Variants in CHRNE observed in about 807,000 individuals in gnomAD.
CHRNE encodes the protein acetylcholine receptor subunit epsilon.
CHRNE carries 58 observed loss-of-function variants against 56.5 expected under a neutral mutation model. That is an observed-to-expected ratio of 1.03 (90% CI 0.83 to 1.28). The LOEUF (loss-of-function observed/expected upper bound fraction) is 1.28, where lower values mean the gene tolerates loss of function less well. CHRNE is among the 50% of genes most tolerant of loss of function. The probability of loss-of-function intolerance (pLI) is 0.00; values close to 1 mark genes in which losing one functional copy is unlikely to be tolerated. For synonymous variants in CHRNE, 385 were observed against 297.9 expected, an observed-to-expected ratio of 1.29 and a Z score of -3.01; for missense variants, 793 against 688.9, an observed-to-expected ratio of 1.15 and a Z score of -1.69.
upstream of CHRNE, among the ~76,000 whole-genome samples, chr17:4,904,762 T>C (rs1970070692): frequency 6.6e-6 from 1 of 152,106 alleles, no homozygotes; most frequent in Admixed American, 6.6e-5. Context: ...TGGGTCTCCT[T>C]CCCCCACCTA....
intron 8 of CHRNE, chr17:4,899,845 C>G (rs1193163141): frequency 6.4e-7 from 1 of 1,551,164 alleles, no homozygotes; most frequent in Non-Finnish European, 8.7e-7. Flanking sequence ...CTACGCCCGC[C>G]AAGGGCTGCA....
rs769630764 is a variant in CHRNE, at chr17:4,899,010, G to A, written c.1317C>T (p.Ala439=). 7 of 1,602,404 alleles carry A rather than the reference G, an allele frequency of 4.4e-6. No homozygotes were observed. Among genetic ancestry groups the A allele is most frequent in the Non-Finnish European group, 6.0e-6 (7 of 1,175,682 alleles). ...FVAESTRDQE[A]TGEEVSDWVR... Reference sequence around the variant, plus strand: ...CTGGCTCCTGTCCCACCTCGCCGGTGGCCTCCTGATCTCTCGTGCTCTCGG... The same window carrying A: ...CTGGCTCCTGTCCCACCTCGCCGGTAGCCTCCTGATCTCTCGTGCTCTCGG... Residue 439 remains alanine, a synonymous_variant, in exon 11 of 12, where the codon GCC becomes GCT. Coordinates refer to ENST00000649488, the MANE Select transcript of CHRNE (RefSeq NM_000080.4).
In CHRNE at chr17:4,902,474, G is replaced by A. The variant is rs750125430; in HGVS notation, c.210C>T (p.Leu70=). 2.5e-6 allele frequency: 4 copies of A among 1,614,200 alleles called. No homozygotes were observed. The highest frequency in any genetic ancestry group is 2.5e-6 in the Non-Finnish European group (3 of 1,180,032). ...LISLNEKEET[L]TTSVWIGIDW... ...CGATTCCAATCCAGACGCTAGTGGTGAGAGTCTCCTCTTTTTCATTCTGCA... is the reference window on the plus strand; with the variant it reads ...CGATTCCAATCCAGACGCTAGTGGTAAGAGTCTCCTCTTTTTCATTCTGCA... The change falls in exon 3 of 12, where the codon CTC becomes CTT. Residue 70 remains leucine, a synonymous_variant. Transcript: ENST00000649488. This position sits in a 1 kb window ranked among gnomAD's most constrained non-coding sequence, Gnocchi z 4.0.
rs779066933 is a variant in CHRNE, at chr17:4,898,901, G to A, written c.1327-10C>T. On this transcript the variant is annotated splice_polypyrimidine_tract_variant and intron_variant, in intron 11 of 11. Coordinates refer to ENST00000649488, the MANE Select transcript of CHRNE (RefSeq NM_000080.4). ...CCCAGTCGGACACTTCCTGGGGAAG[G>A]GTCGGCACAGTCAGTAAAGAGGCAG... 3.8e-6 allele frequency: 6 copies of A among 1,573,738 alleles called. No homozygotes were observed. The East Asian group carries it at 1.4e-4, about 36-fold the overall frequency.
In CHRNE at chr17:4,900,997, C is replaced by A; in HGVS notation, c.795G>T (p.Pro265=). Residue 265 remains proline (P), a synonymous_variant, in exon 7 of 12, where the codon CCG becomes CCT. Transcript: ENST00000649488. The part of the protein sequence containing the change: ...SGLVLLAYFL[P]AQAGGQKCTV... The stretch of plus-strand genomic sequence containing the variant: ...TTCGGGGCCACTGCTTACCCTGCGC[C>A]GGCAGGAAGTAGGCGAGCAGCACCA... 6.2e-7 allele frequency: 1 copy of A among 1,613,942 alleles called. No homozygotes were observed. The highest frequency in any genetic ancestry group is 1.7e-5 in the Admixed American group (1 of 60,026).
chr17:4,900,533 G>C, intron 8 of CHRNE: 1 of 1,550,706 alleles, frequency 6.4e-7, no homozygotes, highest in Non-Finnish European at 8.7e-7. Context: ...GGGTGAGTTA[G>C]GGGCCAGAGG....
intron 8 of CHRNE, 149 bp downstream of exon 8, chr17:4,900,643 AG>A: frequency 6.8e-7 from 1 of 1,461,218 alleles, no homozygotes; most frequent in Non-Finnish European, 9.3e-7. Context: ...ACGGCGGACC[AG>A]GGACTCCATC....
In CHRNE at chr17:4,902,162, C is replaced by G; in HGVS notation, c.344+55G>C. On this transcript the variant is annotated intron_variant, in intron 4 of 11. Transcript: ENST00000649488. This position sits in a 1 kb window ranked among gnomAD's most constrained non-coding sequence, Gnocchi z 4.0. ...GAGTACCCCCTTCCCCAACCAAGTC[C>G]AGCCCGCACCCCAGGCCGGCTTCCC... 1 of 1,613,842 alleles carries G rather than the reference C, an allele frequency of 6.2e-7. No homozygotes were observed. The highest frequency in any genetic ancestry group is 8.5e-7 in the Non-Finnish European group (1 of 1,179,764).
Position 4,898,715 on chromosome 17 carries a change from G to A in CHRNE, c.*21C>T, listed in dbSNP as rs1969814414. ...ATCAATTTCCTACTGGAGATGGGTG[G>A]GAAATTGAAGTCGGTGCGAGCTAAG... On this transcript the variant is annotated 3_prime_UTR_variant, in exon 12 of 12. Transcript: ENST00000649488. The A allele has an allele frequency of 1.2e-6, 2 of 1,605,284 alleles. No homozygotes were observed. The highest frequency in any genetic ancestry group is 1.3e-5 in the African/African-American group (1 of 74,870).
rs770980262 is a variant in CHRNE, at chr17:4,900,820, G to A, written c.890C>T (p.Thr297Ile). ...GCCCAGGAGCGGCACGCTCAGAGAA[G>A]TCTCTGGGATTTTCTGGGCAATGAG... ...LFLIAQKIPE[T>I]SLSVPLLGRF... Residue 297 changes from threonine (T) to isoleucine (I), a missense_variant, in exon 8 of 12, where the codon ACT (threonine) becomes ATT (isoleucine). By Grantham distance (89) the Thr-to-Ile change is moderately conservative (BLOSUM62 -1). Coordinates refer to ENST00000649488, the MANE Select transcript of CHRNE (RefSeq NM_000080.4). The A allele has an allele frequency of 6.2e-7, 1 of 1,614,142 alleles. No individual in the cohort carries two copies. The highest frequency in any genetic ancestry group is 8.5e-7 in the Non-Finnish European group (1 of 1,179,976).
chr17:4,898,953 A>G (rs759034839), intron 11 of CHRNE, 48 bp downstream of exon 11: 3 of 1,559,632 alleles, frequency 1.9e-6, no homozygotes, highest in Non-Finnish European at 2.6e-6. Context: ...CATGGGAGAC[A>G]GTGGTGGGCC....
intron 8 of CHRNE, chr17:4,900,384 G>T: frequency 1.3e-6 from 2 of 1,549,794 alleles, no homozygotes; most frequent in Non-Finnish European, 1.7e-6. Flanking sequence ...TGCGGTGGGC[G>T]CCAGCGCCCG....
Position 4,901,475 on chromosome 17 carries a change from C to T in CHRNE, c.601+50G>A, listed in dbSNP as rs367985398. On this transcript the variant is annotated intron_variant, in intron 6 of 11. Transcript: ENST00000649488. The stretch of plus-strand genomic sequence containing the variant: ...GGCAAGCCCACCGTGGAAGTCCCCT[C>T]TCTGGACCCCGTCTAGAAGCGGGTT... 113 of 1,565,640 alleles carry T rather than the reference C, an allele frequency of 7.2e-5. No individual in the cohort carries two copies. In the African/African-American group the frequency reaches 1.4e-3, roughly 19 times the overall value.
In CHRNE at chr17:4,900,883, G is replaced by C. The variant is rs570266272; in HGVS notation, c.827C>G (p.Ser276Cys). 2.5e-6 allele frequency: 4 copies of C among 1,614,190 alleles called. No homozygotes were observed. In the East Asian group the frequency reaches 6.7e-5, roughly 27 times the overall value. Residue 276 changes from serine to cysteine, a missense_variant, in exon 8 of 12, where the codon TCC becomes TGC. By Grantham distance (112) the Ser-to-Cys change is moderately radical (BLOSUM62 -1). Coordinates refer to ENST00000649488, the MANE Select transcript of CHRNE (RefSeq NM_000080.4). ...AQAGGQKCTV[S>C]INVLLAQTVF... ...GGTCTGGGCGAGCAGGACGTTGATG[G>C]AGACCGTGCATTTCTGGCCGCCGGC...
In CHRNE at chr17:4,901,991, G is replaced by T. The variant is rs779058823; in HGVS notation, c.441C>A (p.Val147=). ...GGAAGTAGGTGACCTCCACTGCGCA[G>T]ACGCTGCGGTAGATGGCCGGAGGCA... ...TWLPPAIYRS[V]CAVEVTYFPF... The change falls in exon 5 of 12, where the codon GTC becomes GTA. Residue 147 remains valine, a synonymous_variant. Coordinates refer to ENST00000649488, the MANE Select transcript of CHRNE (RefSeq NM_000080.4). 1.9e-6 allele frequency: 3 copies of T among 1,614,002 alleles called. No homozygotes were observed. The highest frequency in any genetic ancestry group is 2.7e-5 in the African/African-American group (2 of 74,938).
chr17:4,904,362 C>T (rs918761017), upstream of CHRNE, among the ~76,000 whole-genome samples: 1 of 152,068 alleles, frequency 6.6e-6, no homozygotes, highest in Non-Finnish European at 1.5e-5. Context: ...CACGCCCGGC[C>T]TCAGTGTTTT....
At chr17:4,899,701 C>A in intron 8 of CHRNE, 119 bp from the exon 9 acceptor site, 2 of 1,483,404 alleles carry the variant, frequency 1.3e-6, no homozygotes, top group South Asian at 2.4e-5. Flanking sequence ...TCCAGCTGCG[C>A]CCCCTACACG....
rs373612116 is a variant in CHRNE at position 4,903,072 on chromosome 17, G to A, written c.-9C>T. 140 of 1,613,872 alleles carry A rather than the reference G, an allele frequency of 8.7e-5. No homozygotes were observed. The highest frequency in any genetic ancestry group is 1.0e-4 in the Non-Finnish European group (123 of 1,180,000). ...AGCGGAGCCCTTGCCATCCTGCTGC[G>A]TGGTTCTCAGGGTTATTCTGAGCTC... On this transcript the variant is annotated 5_prime_UTR_variant, in exon 1 of 12. The change creates a new upstream start codon in the 5' untranslated region. Transcript: ENST00000649488.
Position 4,901,556 on chromosome 17 carries a change from G to A in CHRNE, c.570C>T (p.Asn190=), listed in dbSNP as rs1969985137. Residue 190 remains asparagine, a synonymous_variant, in exon 6 of 12, where the codon AAC becomes AAT. Transcript: ENST00000649488. ...AGGCCTCTGTGTCGATGTCGATCTT[G>A]TTGATGGTCTTGCCGTCGTTGTCTA... ...FAVDNDGKTI[N]KIDIDTEAYT... The A allele has an allele frequency of 1.9e-6, 3 of 1,614,204 alleles. No individual in the cohort carries two copies. The highest frequency in any genetic ancestry group is 2.5e-6 in the Non-Finnish European group (3 of 1,180,036).
Sources: allele counts gnomAD v4.1 joint callset (sites outside exome capture counted in the v4.1 genomes callset), GRCh38; gene constraint gnomAD v4.1.1; non-coding constraint Gnocchi (gnomAD v3.1); transcripts MANE v1.5; gene names NCBI Gene and HGNC (gene_info 2026-07-23, HGNC 2026-07-21).